CHRDL2: variants seen among roughly 807,000 people sequenced by gnomAD.
CHRDL2 encodes the protein chordin like 2.
In CHRDL2, 41 loss-of-function variants were observed where a neutral mutation model predicts 54.3. The observed-to-expected ratio is 0.76, with a 90% CI of 0.59 to 0.98. The LOEUF (loss-of-function observed/expected upper bound fraction) is 0.98, where lower values mean the gene tolerates loss of function less well. Ranked by LOEUF, CHRDL2 falls within the 50% of genes least tolerant of loss-of-function variation. The pLI, the probability that CHRDL2 is intolerant of heterozygous loss-of-function variation, is 0.00. For synonymous variants in CHRDL2, 220 were observed against 224.3 expected (o/e 0.98, Z 0.17); for missense variants, 518 against 562.4 (o/e 0.92, Z 0.80).
At chr11:74,709,100 A>C (rs537541797) in intron 4 of CHRDL2, among the ~76,000 whole-genome samples, 1 of 152,228 alleles carries the variant, frequency 6.6e-6, no homozygotes, top group East Asian at 1.9e-4. Context: ...GGGTCTGAGA[A>C]GTGAGTGTTC....
intron 4 of CHRDL2, among the ~76,000 whole-genome samples, chr11:74,710,206 A>G (rs1253857990): frequency 7.1e-6 from 1 of 140,852 alleles, no homozygotes; most frequent in Non-Finnish European, 1.5e-5. Flanking sequence ...AAAGAGCAAG[A>G]CTCCGTCTCA....
At chr11:74,704,444 C>T (rs1404543684) in intron 7 of CHRDL2, 42 bp downstream of exon 7, 1 of 1,569,316 alleles carries the variant, frequency 6.4e-7, no homozygotes, top group African/African-American at 1.4e-5. Flanking sequence ...GTCAGGGCCC[C>T]CCTTCCCTGC....
At chr11:74,722,042 C>T (rs190090485) in intron 1 of CHRDL2, among the ~76,000 whole-genome samples, 61 of 152,296 alleles carry the variant, frequency 4.0e-4, no homozygotes, top group Admixed American at 3.9e-4. Context: ...TGGTCTCATA[C>T]ATCTTAGGCT....
chr11:74,705,717 G>A (rs2033988359), intron 6 of CHRDL2, among the ~76,000 whole-genome samples: 1 of 152,122 alleles, frequency 6.6e-6, no homozygotes, highest in African/African-American at 2.4e-5. Flanking sequence ...GGAGGGAATG[G>A]CTTAGGTCCT....
At position 74,710,873 on chromosome 11, in the gene CHRDL2, G is replaced by A. The variant is rs754290244; in HGVS notation, c.408C>T (p.Asn136=). 266 of 1,614,146 alleles carry A rather than the reference G, an allele frequency of 1.6e-4. No individual in the cohort carries two copies. The South Asian group carries it at 2.8e-3, about 17-fold the overall frequency. The change falls in exon 4 of 11, where the codon AAC becomes AAT. Residue 136 remains asparagine (N), a synonymous_variant. Transcript: ENST00000376332. The stretch of plus-strand genomic sequence containing the variant: ...CTGTGCAGCTGCAGAGGACACACTG[G>A]TTGGGCAGGCGGGAGGGGAACAGCT... ...AHELFPSRLP[N]QCVLCSCTEG... is the part of the protein sequence containing the mutation.
At chr11:74,727,440 T>A (rs1309608468) in intron 1 of CHRDL2, among the ~76,000 whole-genome samples, 1 of 152,188 alleles carries the variant, frequency 6.6e-6, no homozygotes, top group East Asian at 1.9e-4. Flanking sequence ...GGTCTCACTG[T>A]GATACCCAGG....
At chr11:74,703,115 G>T in intron 8 of CHRDL2, 148 bp from the exon 9 acceptor site, 1 of 1,026,602 alleles carries the variant, frequency 9.7e-7, no homozygotes. Flanking sequence ...TCCTGACACC[G>T]CATGGTTCTA....
chr11:74,707,254 A>G (rs1445853237), intron 5 of CHRDL2, among the ~76,000 whole-genome samples: 2 of 152,190 alleles, frequency 1.3e-5, no homozygotes, highest in Non-Finnish European at 2.9e-5. Context: ...AAGGGAAGGA[A>G]TTTATGGAGT....
intron 9 of CHRDL2, chr11:74,699,173 C>T (rs561040503): frequency 6.6e-6 from 1 of 152,408 alleles, no homozygotes; most frequent in South Asian, 2.1e-4. Context: ...GGGATGGGTC[C>T]TTCGGCACAG....
chr11:74,709,265 C>T (rs1401393420), intron 4 of CHRDL2, among the ~76,000 whole-genome samples: 4 of 152,264 alleles, frequency 2.6e-5, no homozygotes, highest in African/African-American at 4.8e-5. Context: ...CTCGCCACAG[C>T]CCCCTCCTCA....
At position 74,718,845 on chromosome 11, in the gene CHRDL2, C is replaced by A; in HGVS notation, c.83-13G>T. On this transcript the variant is annotated splice_polypyrimidine_tract_variant and intron_variant, in intron 1 of 10. Coordinates refer to ENST00000376332, the MANE Select transcript of CHRDL2 (RefSeq NM_001278473.3). ...AACATGTCTGGGCCTGGCAAACCGA[C>A]CAGTGCCATGTTAGTCCCAGGAGGC... 1 of 1,554,110 alleles carries A rather than the reference C, an allele frequency of 6.4e-7. No homozygotes were observed. The highest frequency in any genetic ancestry group is 2.3e-5 in the East Asian group (1 of 43,774).
chr11:74,726,426 G>A (rs980990574), intron 1 of CHRDL2, among the ~76,000 whole-genome samples: 2 of 152,144 alleles, frequency 1.3e-5, no homozygotes, highest in African/African-American at 2.4e-5. Context: ...TAGAAGAAAT[G>A]GCCTTAATTT....
chr11:74,714,022 A>T (rs539337718), intron 2 of CHRDL2, among the ~76,000 whole-genome samples: 1 of 152,166 alleles, frequency 6.6e-6, no homozygotes, highest in African/African-American at 2.4e-5. Context: ...AGGGGCCTGA[A>T]GTTCCTTCTC....
chr11:74,728,528 T>TTGTTG (rs1554988421), intron 1 of CHRDL2, among the ~76,000 whole-genome samples: 14 of 150,598 alleles, frequency 9.3e-5, no homozygotes, highest in East Asian at 5.9e-4. Flanking sequence ...TGTTCTGTTT[T>TTGTTG]TTGTTGTTGT....
rs766042583 is a variant in CHRDL2, at chr11:74,704,507, G to A, written c.730C>T (p.Leu244=). 6.3e-7 allele frequency: 1 copy of A among 1,584,402 alleles called. No individual in the cohort carries two copies. The highest frequency in any genetic ancestry group is 1.9e-5 in the Admixed American group (1 of 52,362). Residue 244 remains leucine, a synonymous_variant, in exon 7 of 11, where the codon CTG becomes TTG. Transcript: ENST00000376332. ...CCACCTTTCTTATGTTTCTCCTTCA[G>A]GACGATCTTGACAGTTGTGCTGCCT... ...GAGSTTVKIV[L]KEKHKKACVH...
intron 9 of CHRDL2, chr11:74,698,231 T>TTTA (rs2033670956): frequency 2.8e-4 from 1 of 3,520 alleles, no homozygotes; most frequent in Non-Finnish European, 7.8e-4. Flanking sequence ...ACCTGGCTAA[T>TTTA]TTTTTTTTTT....
At chr11:74,707,631 C>T (rs868428523) in intron 5 of CHRDL2, among the ~76,000 whole-genome samples, 1 of 152,200 alleles carries the variant, frequency 6.6e-6, no homozygotes, top group African/African-American at 2.4e-5. Context: ...TCACGTGCCA[C>T]TTATGGTTCT....
rs766235796 is a variant in CHRDL2 at position 74,706,580 on chromosome 11, C to T, written c.527-38G>A. The T allele has an allele frequency of 6.2e-6, 10 of 1,607,234 alleles. No individual in the cohort carries two copies. In the East Asian group the frequency reaches 1.8e-4, roughly 29 times the overall value. On this transcript the variant is annotated intron_variant, in intron 5 of 10. Transcript: ENST00000376332. ...AGGGAAGCTGGGTCAGCCTCAGGCT[C>T]CCCAGCCTTGCTGGCTAGAGCCCTG...
chr11:74,700,642 TA>T lies in CHRDL2; in HGVS notation c.1120+2151del, dbSNP rs771066346. ...TTTTTTTTATTATTATTATTATTATTATTTTTTTTTTTTTGAGACGGAGTCT... is the reference window on the plus strand; with the variant it reads ...TTTTTTTTATTATTATTATTATTATTTTTTTTTTTTTTTGAGACGGAGTCT... On this transcript the variant is annotated intron_variant, in intron 9 of 10. Coordinates refer to ENST00000376332, the MANE Select transcript of CHRDL2 (RefSeq NM_001278473.3). 3.3e-3 allele frequency among the ~76,000 whole-genome samples: 454 copies of T among 139,326 alleles called. 4 individuals carry two copies. The highest frequency in any genetic ancestry group is 0.011 in the African/African-American group (409 of 38,294). The allele number at this position is 139,326 out of a possible 152,430, so 91.4% of individuals were successfully genotyped here.
Sources: allele counts gnomAD v4.1 joint callset (sites outside exome capture counted in the v4.1 genomes callset), GRCh38; gene constraint gnomAD v4.1.1; transcripts MANE v1.5; gene names NCBI Gene and HGNC (gene_info 2026-07-23, HGNC 2026-07-21).